BRD10: variants seen among roughly 807,000 people sequenced by gnomAD.
BRD10 encodes the protein uncharacterized bromodomain-containing protein 10.
At chr9:5,968,590 G>C in the BRD10 span, 1 of 1,613,866 alleles carries the variant, frequency 6.2e-7, no homozygotes, top group Non-Finnish European at 8.5e-7. Flanking sequence ...TAGCAGGACA[G>C]CAAGCTGGAT....
At chr9:5,991,260 T>C in the BRD10 span, among the ~76,000 whole-genome samples, 1 of 152,166 alleles carries the variant, frequency 6.6e-6, no homozygotes, top group Non-Finnish European at 1.5e-5. Flanking sequence ...ATATGATATG[T>C]ACGCATACAT....
At chr9:5,981,503 A>G in the BRD10 span, among the ~76,000 whole-genome samples, 8 of 152,316 alleles carry the variant, frequency 5.3e-5, no homozygotes, top group East Asian at 1.2e-3. Flanking sequence ...TCCAGAGAAG[A>G]CATTAAGCAG....
At chr9:5,892,649 A>G in the BRD10 span, 1 of 915,708 alleles carries the variant, frequency 1.1e-6, no homozygotes, top group Non-Finnish European at 1.6e-6. Flanking sequence ...AAATCTCCCT[A>G]GTGTTTATCT....
chr9:5,997,874 A>T, the BRD10 span, among the ~76,000 whole-genome samples: 40 of 152,332 alleles, frequency 2.6e-4, no homozygotes, highest in African/African-American at 7.0e-4. Flanking sequence ...CAAAGAAGAT[A>T]CACAAAAAGT....
At chr9:5,989,090 C>T in the BRD10 span, among the ~76,000 whole-genome samples, 935 of 151,716 alleles carry the variant, frequency 6.2e-3, 11 homozygotes, top group African/African-American at 0.021. Context: ...ATTAGCCGGG[C>T]GCGGTGGCGC....
At chr9:6,003,777 C>T in the BRD10 span, among the ~76,000 whole-genome samples, 1 of 151,800 alleles carries the variant, frequency 6.6e-6, no homozygotes, top group Admixed American at 6.6e-5. Flanking sequence ...ATATAAAAAT[C>T]ATAAATATTT....
the BRD10 span, chr9:5,968,545 T>A: frequency 6.2e-7 from 1 of 1,613,848 alleles, no homozygotes; most frequent in South Asian, 1.1e-5. Flanking sequence ...TTACTCCCAT[T>A]TCAACAGAGA....
chr9:5,954,812 C>G, the BRD10 span, among the ~76,000 whole-genome samples: 1 of 151,992 alleles, frequency 6.6e-6, no homozygotes, highest in Admixed American at 6.6e-5. Flanking sequence ...ATTTTTAGAC[C>G]AGGCGCGGTG....
At chr9:5,946,847 C>T in the BRD10 span, among the ~76,000 whole-genome samples, 2 of 152,216 alleles carry the variant, frequency 1.3e-5, no homozygotes, top group South Asian at 4.1e-4. Flanking sequence ...ACATATACTC[C>T]TACAACTAAA....
At chr9:5,890,535 G>A in the BRD10 span, among the ~76,000 whole-genome samples, 1 of 152,148 alleles carries the variant, frequency 6.6e-6, no homozygotes, top group Non-Finnish European at 1.5e-5. Context: ...TTTGCAGGTA[G>A]AATATGACCT....
the BRD10 span, chr9:5,920,293 T>A: frequency 1.2e-6 from 2 of 1,613,984 alleles, no homozygotes; most frequent in Non-Finnish European, 1.7e-6. Context: ...CAAGACCTTG[T>A]GGTGGAACAA....
chr9:5,984,185 A>G, the BRD10 span, among the ~76,000 whole-genome samples: 1 of 152,176 alleles, frequency 6.6e-6, no homozygotes, highest in East Asian at 1.9e-4. Flanking sequence ...AATGTTGGGA[A>G]GGGTAAAGGT....
chr9:5,951,068 ACACACACACC>A, the BRD10 span, among the ~76,000 whole-genome samples: 1,344 of 146,992 alleles, frequency 9.1e-3, 21 homozygotes, highest in African/African-American at 0.029. Context: ...ACACACACAC[ACACACACACC>A]CCCACCCCAC....
chr9:5,936,887 T>G, the BRD10 span, among the ~76,000 whole-genome samples: 1 of 152,216 alleles, frequency 6.6e-6, no homozygotes, highest in African/African-American at 2.4e-5. Context: ...TGAAAAATGT[T>G]TGACATTTAA....
chr9:5,914,993 A>G, the BRD10 span, among the ~76,000 whole-genome samples: 3 of 152,214 alleles, frequency 2.0e-5, no homozygotes, highest in Admixed American at 6.5e-5. Context: ...CCCAACAAAC[A>G]AAAGAACAAA....
the BRD10 span, among the ~76,000 whole-genome samples, chr9:5,918,305 A>G: frequency 1.3e-5 from 2 of 152,230 alleles, no homozygotes; most frequent in African/African-American, 4.8e-5. Context: ...ACCCCCAACA[A>G]TAACTTCATG....
chr9:5,990,190 G>A, the BRD10 span, among the ~76,000 whole-genome samples: 2 of 152,208 alleles, frequency 1.3e-5, no homozygotes, highest in East Asian at 3.8e-4. Flanking sequence ...CGGAAGTAAG[G>A]AATTGCGGAC....
At chr9:6,007,773 C>A in the BRD10 span, 1 of 1,560,124 alleles carries the variant, frequency 6.4e-7, no homozygotes, top group Non-Finnish European at 8.6e-7. Context: ...CTCCCGGCGT[C>A]CCGGGCACAC....
chr9:5,968,739 G>A, the BRD10 span: 4 of 1,613,726 alleles, frequency 2.5e-6, no homozygotes, highest in Admixed American at 1.7e-5. Context: ...ATTTTAATGG[G>A]TGGAATTGGA....
Sources: allele counts gnomAD v4.1 joint callset (sites outside exome capture counted in the v4.1 genomes callset), GRCh38; gene constraint gnomAD v4.1.1; transcripts MANE v1.5; gene names NCBI Gene and HGNC (gene_info 2026-07-23, HGNC 2026-07-21).